The following RBFOX1 variants were observed in gnomAD, a reference collection of about 807,000 sequenced individuals.
The protein encoded by RBFOX1 is RNA binding fox-1 homolog 1.
Under a neutral mutation model 57.7 loss-of-function variants are expected in RBFOX1, and 8 were observed. The ratio of observed to expected loss-of-function variants is 0.14; its 90% confidence interval spans 0.08 to 0.25. The LOEUF (loss-of-function observed/expected upper bound fraction) is 0.25, where lower values mean the gene tolerates loss of function less well. Ranked by LOEUF, RBFOX1 falls within the 10% of genes least tolerant of loss-of-function variation. RBFOX1 has a pLI of 1.00. For missense variants in RBFOX1, 611 were observed against 548.5 expected, an observed-to-expected ratio of 1.11 and a Z score of -1.14; for synonymous variants, 326 against 222.4, an observed-to-expected ratio of 1.47 and a Z score of -4.15.
chr16:6,179,571 C>T (rs532707440), intron 1 of RBFOX1, among the ~76,000 whole-genome samples: 2 of 152,250 alleles, frequency 1.3e-5, no homozygotes, highest in South Asian at 2.1e-4. Context: ...AGACTGTGGT[C>T]CGCAGCCCAC....
intron 6 of RBFOX1, among the ~76,000 whole-genome samples, chr16:7,585,843 C>T (rs1487484235): frequency 6.6e-6 from 1 of 152,268 alleles, no homozygotes; most frequent in Admixed American, 6.5e-5. Context: ...TACTCTATGA[C>T]TGAAACACAT....
chr16:6,872,246 T>A (rs1013040728), intron 3 of RBFOX1, among the ~76,000 whole-genome samples: 5 of 152,184 alleles, frequency 3.3e-5, no homozygotes, highest in Admixed American at 6.5e-5. Flanking sequence ...TAATAATTGT[T>A]GTGTAAATGA....
At chr16:5,375,404 C>A (rs2065960146) in intron 1 of RBFOX1, among the ~76,000 whole-genome samples, 1 of 151,986 alleles carries the variant, frequency 6.6e-6, no homozygotes, top group Non-Finnish European at 1.5e-5. Context: ...ATCTCCAGGG[C>A]TTGTGGGAGG....
At chr16:6,310,092 T>C (rs956541933) in intron 1 of RBFOX1, among the ~76,000 whole-genome samples, 4 of 152,220 alleles carry the variant, frequency 2.6e-5, no homozygotes, top group African/African-American at 9.6e-5. Flanking sequence ...TTCACCATAT[T>C]GGTCAGGCTG....
At chr16:7,088,708 T>C (rs1236165984) in intron 4 of RBFOX1, among the ~76,000 whole-genome samples, 1 of 152,162 alleles carries the variant, frequency 6.6e-6, no homozygotes, top group African/African-American at 2.4e-5. Context: ...TATATCCTAG[T>C]GTAGTTTAGC....
At chr16:6,960,319 A>G (rs2082693916) in intron 3 of RBFOX1, among the ~76,000 whole-genome samples, 1 of 152,168 alleles carries the variant, frequency 6.6e-6, no homozygotes, top group African/African-American at 2.4e-5. Context: ...ACGTCTTTAG[A>G]CGAATGCACA....
At chr16:7,287,842 C>T (rs914541054) in intron 4 of RBFOX1, among the ~76,000 whole-genome samples, 3 of 152,142 alleles carry the variant, frequency 2.0e-5, no homozygotes, top group Non-Finnish European at 4.4e-5. Flanking sequence ...TATGGATTTG[C>T]ATATTACCTT....
At chr16:6,823,240 G>A (rs972430264) in intron 3 of RBFOX1, among the ~76,000 whole-genome samples, 1 of 150,774 alleles carries the variant, frequency 6.6e-6, no homozygotes, top group Non-Finnish European at 1.5e-5. Context: ...ATCTGAAATT[G>A]TTTTGTTTTC....
intron 4 of RBFOX1, among the ~76,000 whole-genome samples, chr16:7,514,478 G>A (rs1407245114): frequency 2.0e-5 from 3 of 152,124 alleles, no homozygotes; most frequent in Non-Finnish European, 2.9e-5. Context: ...CTGTTTTCAG[G>A]GAGCTCACAG....
At chr16:7,045,102 A>C (rs777209297) in intron 3 of RBFOX1, among the ~76,000 whole-genome samples, 3 of 152,130 alleles carry the variant, frequency 2.0e-5, no homozygotes, top group Non-Finnish European at 4.4e-5. Context: ...GATGATCCCT[A>C]CTTAAAGGAG....
chr16:7,291,609 A>G (rs753082944), intron 4 of RBFOX1, among the ~76,000 whole-genome samples: 12 of 152,080 alleles, frequency 7.9e-5, no homozygotes, highest in South Asian at 2.1e-4. Context: ...AGGTAAGTCA[A>G]TAGAGGAAGA....
chr16:6,505,628 T>G (rs7500875), intron 2 of RBFOX1, among the ~76,000 whole-genome samples: 1 of 152,004 alleles, frequency 6.6e-6, no homozygotes, highest in Non-Finnish European at 1.5e-5. Context: ...GGTATTGATT[T>G]AATCCTCAAG....
At position 7,328,249 on chromosome 16, in the gene RBFOX1, C is replaced by T. The variant is rs141668638; in HGVS notation, c.28-189898C>T. 1.6e-4 allele frequency among the ~76,000 whole-genome samples: 24 copies of T among 151,948 alleles called. No individual in the cohort carries two copies. In the South Asian group the frequency reaches 3.5e-3, roughly 22 times the overall value. On this transcript the variant is annotated intron_variant, in intron 4 of 15. Coordinates refer to ENST00000550418, the MANE Select transcript of RBFOX1 (RefSeq NM_018723.4). ...GTAATCCCAGCACTTTGGGAGGCTG[C>T]GGCAGGTAGATCATGAGGTCAGGAG...
chr16:7,181,408 G>A (rs995200060), intron 4 of RBFOX1, among the ~76,000 whole-genome samples: 3 of 152,048 alleles, frequency 2.0e-5, no homozygotes, highest in East Asian at 3.9e-4. Flanking sequence ...GAGTTAATTA[G>A]GGGTCCCTGA....
At chr16:7,383,807 C>T (rs965568269) in intron 4 of RBFOX1, among the ~76,000 whole-genome samples, 6 of 151,948 alleles carry the variant, frequency 3.9e-5, no homozygotes, top group Admixed American at 1.3e-4. Flanking sequence ...CTGTAATCCC[C>T]GTACTTTGGG....
At chr16:6,551,334 T>A (rs2153876354) in intron 2 of RBFOX1, among the ~76,000 whole-genome samples, 1 of 152,292 alleles carries the variant, frequency 6.6e-6, no homozygotes, top group East Asian at 1.9e-4. Context: ...TGCCTCTTAT[T>A]ACCAGCGGCA....
chr16:6,270,010 A>G (rs974931472), intron 1 of RBFOX1, among the ~76,000 whole-genome samples: 10 of 152,210 alleles, frequency 6.6e-5, no homozygotes. Context: ...GTGAAAACAT[A>G]GCACCAGGCT....
At chr16:7,035,067 C>G (rs1027900612) in intron 3 of RBFOX1, among the ~76,000 whole-genome samples, 1 of 151,506 alleles carries the variant, frequency 6.6e-6, no homozygotes, top group Non-Finnish European at 1.5e-5. Context: ...AGGGTGGTCT[C>G]AAACTTGTGG....
At chr16:7,193,366 C>T (rs1602505701) in intron 4 of RBFOX1, among the ~76,000 whole-genome samples, 1 of 152,156 alleles carries the variant, frequency 6.6e-6, no homozygotes, top group African/African-American at 2.4e-5. Context: ...AAAGAACATG[C>T]CCCACAAACT....
Sources: allele counts gnomAD v4.1 joint callset (sites outside exome capture counted in the v4.1 genomes callset), GRCh38; gene constraint gnomAD v4.1.1; transcripts MANE v1.5; gene names NCBI Gene and HGNC (gene_info 2026-07-23, HGNC 2026-07-21).